The following UBE2U variants were observed in gnomAD, a reference collection of about 807,000 sequenced individuals.
UBE2U encodes ubiquitin-conjugating enzyme E2 U.
UBE2U carries 39 observed loss-of-function variants against 41.2 expected under a neutral mutation model. The observed-to-expected ratio is 0.95, with a 90% CI of 0.73 to 1.24. The LOEUF (loss-of-function observed/expected upper bound fraction) is 1.24. UBE2U is among the 50% of genes most tolerant of loss of function. UBE2U has a pLI of 0.00. For synonymous variants in UBE2U, 107 were observed against 117.8 expected, an observed-to-expected ratio of 0.91 and a Z score of 0.60; for missense variants, 336 against 363.1, an observed-to-expected ratio of 0.93 and a Z score of 0.61.
In UBE2U at chr1:64,210,529, G is replaced by A. The variant is rs181007331; in HGVS notation, c.242-213G>A. 1.2e-3 allele frequency among the ~76,000 whole-genome samples: 181 copies of A among 152,314 alleles called. 1 individual carries two copies. The highest frequency in any genetic ancestry group is 4.1e-3 in the African/African-American group (171 of 41,570). On this transcript the variant is annotated intron_variant, in intron 3 of 9. Transcript: ENST00000371077. Reference sequence around the variant, plus strand: ...CACATCTTGCTAAAGGAGAGGATAGGAAAAACTGTAGGGGCACCTATGTAT... The same window carrying A: ...CACATCTTGCTAAAGGAGAGGATAGAAAAAACTGTAGGGGCACCTATGTAT...
At position 64,204,105 on chromosome 1, in the gene UBE2U, A is replaced by T; in HGVS notation, c.55A>T (p.Asn19Tyr). ...CAGAGACTTCTGTGATCTCAAGGAG[A>T]ACAATTATAAGGTAAGTACTGGGCA... ...LHRDFCDLKE[N>Y]NYKGITAKPV... Residue 19 changes from asparagine to tyrosine, a missense_variant, in exon 1 of 10, where the codon AAC becomes TAC. Coordinates refer to ENST00000371077, the MANE Select transcript of UBE2U (RefSeq NM_001366232.2). 4 of 1,613,690 alleles carry T rather than the reference A, an allele frequency of 2.5e-6. No homozygotes were observed. Among genetic ancestry groups the T allele is most frequent in the Non-Finnish European group, 3.4e-6 (4 of 1,179,776 alleles).
At chr1:64,237,893 G>A (rs2100421509) in intron 7 of UBE2U, among the ~76,000 whole-genome samples, 1 of 152,148 alleles carries the variant, frequency 6.6e-6, no homozygotes, top group South Asian at 2.1e-4. Context: ...AATGAGGAAA[G>A]GCAATTTCAA....
rs1651619671 is a variant in UBE2U at position 64,210,813 on chromosome 1, T to C, written c.313T>C (p.Leu105=). The C allele has an allele frequency of 6.2e-7, 1 of 1,606,416 alleles. No homozygotes were observed. The highest frequency in any genetic ancestry group is 1.3e-5 in the African/African-American group (1 of 74,880). ...TGAGAAGTGGAATACAAACTATACA[T>C]TGAGCAGCATCTTACTTGCCCTACA... ...NPEKWNTNYT[L]SSILLALQVM... is the part of the protein sequence containing the mutation. The change falls in exon 4 of 10, where the codon TTG becomes CTG. Residue 105 remains leucine, a synonymous_variant. Transcript: ENST00000371077.
At chr1:64,220,736 A>C in intron 5 of UBE2U, 123 bp from the exon 6 acceptor site, 1 of 775,728 alleles carries the variant, frequency 1.3e-6, no homozygotes, top group Admixed American at 3.2e-5. Flanking sequence ...GCTCTCCTTG[A>C]GATTTTATAT....
At chr1:64,220,824 G>A in intron 5 of UBE2U, 35 bp from the exon 6 acceptor site, 1 of 1,550,886 alleles carries the variant, frequency 6.4e-7, no homozygotes, top group Non-Finnish European at 8.8e-7. Context: ...CAATCTCCAA[G>A]TAAACCAGAA....
At chr1:64,251,038 A>C (rs1645002668) in intron 8 of UBE2U, among the ~76,000 whole-genome samples, 1 of 152,034 alleles carries the variant, frequency 6.6e-6, no homozygotes, top group East Asian at 1.9e-4. Flanking sequence ...GGTTGTGCAC[A>C]TGTACCCTAA....
In UBE2U at chr1:64,203,768, T is replaced by C. The variant is rs181096696; in HGVS notation, c.-283T>C. On this transcript the variant is annotated 5_prime_UTR_variant, in exon 1 of 10. Transcript: ENST00000371077. ...TGTCTCCGTTACTCATCCAAGTTTG[T>C]CTTGAGACTGGGCTGTGAGCCGGCA... is the stretch of plus-strand genomic sequence containing the variant. 1.3e-4 allele frequency: 42 copies of C among 328,920 alleles called. No homozygotes were observed. The highest frequency in any genetic ancestry group is 9.5e-4 in the East Asian group (20 of 21,112). The allele number at this position is 328,920 out of a possible 1,614,324, so 20.4% of individuals were successfully genotyped here. A position where few individuals can be genotyped will look rare whatever the true frequency, so the allele number is the denominator to read the frequency against.
In UBE2U at chr1:64,205,668, TATG is replaced by T; in HGVS notation, c.100_102del (p.Met34del). 6.2e-7 allele frequency: 1 copy of T among 1,613,378 alleles called. No individual in the cohort carries two copies. Among genetic ancestry groups the T allele is most frequent in the Non-Finnish European group, 8.5e-7 (1 of 1,179,632 alleles). Reference sequence around the variant, plus strand: ...TCACTGCTAAGCCTGTAAGTGAAGATATGATGGAATGGGAAGTTGAAATTGAAG... The same window carrying T: ...TCACTGCTAAGCCTGTAAGTGAAGATATGGAATGGGAAGTTGAAATTGAAG... On this transcript the variant is annotated inframe_deletion, in exon 2 of 10. Coordinates refer to ENST00000371077, the MANE Select transcript of UBE2U (RefSeq NM_001366232.2).
At position 64,210,507 on chromosome 1, in the gene UBE2U, A is replaced by C. The variant is rs750428184; in HGVS notation, c.242-235A>C. Among the ~76,000 whole-genome samples, 5 of 152,316 alleles carry C rather than the reference A, an allele frequency of 3.3e-5. No individual in the cohort carries two copies. In the East Asian group the frequency reaches 9.6e-4, roughly 29 times the overall value. ...AACAAAAACTTAGTCACAAGGCCAC[A>C]TCTTGCTAAAGGAGAGGATAGGAAA... On this transcript the variant is annotated intron_variant, in intron 3 of 9. Coordinates refer to ENST00000371077, the MANE Select transcript of UBE2U (RefSeq NM_001366232.2).
chr1:64,228,531 G>C (rs768080097), intron 6 of UBE2U, among the ~76,000 whole-genome samples: 6 of 152,124 alleles, frequency 3.9e-5, no homozygotes, highest in Non-Finnish European at 8.8e-5. Flanking sequence ...CTGTGTGATG[G>C]AGCCTCTGGA....
intron 7 of UBE2U, among the ~76,000 whole-genome samples, 200 bp from the exon 8 acceptor site, chr1:64,241,452 A>G (rs1644833022): frequency 6.6e-6 from 1 of 152,210 alleles, no homozygotes; most frequent in Non-Finnish European, 1.5e-5. Context: ...ATCTATTTCA[A>G]ACAATATCTA....
At chr1:64,250,467 G>A (rs1644988244) in intron 8 of UBE2U, among the ~76,000 whole-genome samples, 1 of 152,012 alleles carries the variant, frequency 6.6e-6, no homozygotes, top group African/African-American at 2.4e-5. Flanking sequence ...CACGTTACAG[G>A]GTCAGCATTA....
chr1:64,221,457 C>G (rs1036334985), intron 6 of UBE2U, among the ~76,000 whole-genome samples: 7 of 151,976 alleles, frequency 4.6e-5, no homozygotes, highest in African/African-American at 1.7e-4. Flanking sequence ...AATGTATTGT[C>G]AACAAAATCA....
chr1:64,226,506 T>C (rs183801827), intron 6 of UBE2U, among the ~76,000 whole-genome samples: 1 of 152,326 alleles, frequency 6.6e-6, no homozygotes, highest in East Asian at 1.9e-4. Flanking sequence ...GTGCATTTTA[T>C]TGAGTGTAAA....
At chr1:64,235,513 T>C (rs1434783041) in intron 7 of UBE2U, among the ~76,000 whole-genome samples, 4 of 152,196 alleles carry the variant, frequency 2.6e-5, no homozygotes, top group African/African-American at 7.2e-5. Flanking sequence ...CTGGCAATAA[T>C]AAAGATGAAG....
In UBE2U at chr1:64,239,173, AAGAAGAAGAAG is replaced by A. The variant is rs1194233370; in HGVS notation, c.596-2477_596-2467del. ...AAGAAGAAGAAAGAAGAAGAAGAAG[AAGAAGAAGAAG>A]AAGAAGAAAGCCCCAGACAAGGACA... is the stretch of plus-strand genomic sequence containing the variant. On this transcript the variant is annotated intron_variant, in intron 7 of 9. Transcript: ENST00000371077. Among the ~76,000 whole-genome samples the A allele has an allele frequency of 7.6e-5, 7 of 91,912 alleles. No individual in the cohort carries two copies. In the South Asian group the frequency reaches 2.8e-3, roughly 37 times the overall value. 60.3% of individuals were successfully genotyped at this position (91,912 alleles called of 152,430 possible).
chr1:64,207,029 C>T (rs1651339304), intron 3 of UBE2U, among the ~76,000 whole-genome samples, 173 bp downstream of exon 3: 1 of 152,152 alleles, frequency 6.6e-6, no homozygotes, highest in South Asian at 2.1e-4. Flanking sequence ...AATCCTAATG[C>T]AAAGAGAAAA....
intron 6 of UBE2U, among the ~76,000 whole-genome samples, chr1:64,228,141 T>C (rs1025252692): frequency 5.3e-5 from 8 of 152,156 alleles, no homozygotes; most frequent in Non-Finnish European, 7.3e-5. Flanking sequence ...AGTTACAGCA[T>C]AGATACCCCT....
intron 5 of UBE2U, among the ~76,000 whole-genome samples, chr1:64,220,350 T>C (rs1267850559): frequency 1.3e-5 from 2 of 152,172 alleles, no homozygotes; most frequent in Non-Finnish European, 2.9e-5. Flanking sequence ...GTCTGTTCGA[T>C]ATGATTTATT....
Sources: allele counts gnomAD v4.1 joint callset (sites outside exome capture counted in the v4.1 genomes callset), GRCh38; gene constraint gnomAD v4.1.1; transcripts MANE v1.5; gene names NCBI Gene and HGNC (gene_info 2026-07-23, HGNC 2026-07-21).